ATXN2: variants seen among roughly 807,000 people sequenced by gnomAD.
ATXN2 encodes the protein ataxin-2.
In ATXN2, 37 loss-of-function variants were observed where a neutral mutation model predicts 138.6. The ratio of observed to expected loss-of-function variants is 0.27; its 90% CI spans 0.21 to 0.35. The LOEUF (loss-of-function observed/expected upper bound fraction) is 0.35, where lower values mean the gene tolerates loss of function less well. ATXN2 is among the 10% of genes least tolerant of loss of function. ATXN2 has a pLI of 1.00. For synonymous variants in ATXN2, 549 were observed against 543.7 expected, an observed-to-expected ratio of 1.01 and a Z score of -0.13; for missense variants, 1,216 against 1,480.3, an observed-to-expected ratio of 0.82 and a Z score of 2.93.
intron 14 of ATXN2, among the ~76,000 whole-genome samples, chr12:111,497,019 A>T (rs751959872): frequency 2.6e-5 from 4 of 152,178 alleles, no homozygotes; most frequent in Non-Finnish European, 5.9e-5. Flanking sequence ...TGAGAGATGA[A>T]AAAGGAGACA....
At chr12:111,591,125 G>GT (rs1884639931) in intron 1 of ATXN2, among the ~76,000 whole-genome samples, 1 of 151,912 alleles carries the variant, frequency 6.6e-6, no homozygotes, top group African/African-American at 2.4e-5. Context: ...TCCTGACCTC[G>GT]TGATCTGCCC....
intron 1 of ATXN2, among the ~76,000 whole-genome samples, chr12:111,592,353 T>C (rs931067447): frequency 3.9e-5 from 6 of 151,936 alleles, no homozygotes; most frequent in African/African-American, 1.5e-4. Context: ...ATCACGCCAC[T>C]GCACTCCAGC....
intron 14 of ATXN2, among the ~76,000 whole-genome samples, chr12:111,494,684 A>G (rs1878295446): frequency 6.6e-6 from 1 of 152,150 alleles, no homozygotes; most frequent in Admixed American, 6.6e-5. Context: ...TCGGCCTCCC[A>G]AAGTGCTGGG....
chr12:111,495,237 G>A (rs1279391940), intron 14 of ATXN2, among the ~76,000 whole-genome samples: 1 of 151,628 alleles, frequency 6.6e-6, no homozygotes, highest in African/African-American at 2.4e-5. Context: ...GAACTCAGGA[G>A]GCGGAGGTTG....
intron 1 of ATXN2, among the ~76,000 whole-genome samples, chr12:111,559,163 T>A (rs749741899): frequency 4.0e-5 from 6 of 150,482 alleles, no homozygotes; most frequent in Non-Finnish European, 3.0e-5. Context: ...AGACAGAGTC[T>A]CACTCTGTCG....
rs1203972592 is a variant in ATXN2, at chr12:111,456,333, C to G, written c.3043-77G>C. On this transcript the variant is annotated intron_variant, in intron 22 of 24. Transcript: ENST00000673436. ...GCCAAGGGATACCCACAAAGCTAAGCTTTGCACACTTGGGCCTATGATGAG... is the reference window on the plus strand; with the variant it reads ...GCCAAGGGATACCCACAAAGCTAAGGTTTGCACACTTGGGCCTATGATGAG... 11 of 1,471,706 alleles carry G rather than the reference C, an allele frequency of 7.5e-6. 1 individual carries two copies. The highest frequency in any genetic ancestry group is 9.5e-6 in the Non-Finnish European group (10 of 1,058,132). The allele number at this position is 1,471,706 out of a possible 1,614,324, so 91.2% of individuals were successfully genotyped here.
Position 111,457,333 on chromosome 12 carries a change from A to G in ATXN2, c.2923T>C (p.Tyr975His). The change falls in exon 22 of 25, where the codon TAT becomes CAT. Residue 975 changes from tyrosine (Y) to histidine (H), a missense_variant. By Grantham distance (83) the Tyr-to-His change is moderately conservative (BLOSUM62 2). Coordinates refer to ENST00000673436, the MANE Select transcript of ATXN2 (RefSeq NM_001372574.1). ...TGCAGGGTAGCGTTAGGGTGCGCAT[A>G]CTGCTGAGCAAGGGAGCCCGTGGAA... is the stretch of plus-strand genomic sequence containing the variant. ...AISTGSLAQQ[Y>H]AHPNATLHPH... 4 of 1,612,824 alleles carry G rather than the reference A, an allele frequency of 2.5e-6. No homozygotes were observed. Among genetic ancestry groups the G allele is most frequent in the Non-Finnish European group, 3.4e-6 (4 of 1,179,506 alleles).
chr12:111,479,061 T>C (rs934446933), intron 18 of ATXN2: 2 of 387,842 alleles, frequency 5.2e-6, no homozygotes, highest in Non-Finnish European at 9.1e-6. Flanking sequence ...AAATGAAATA[T>C]GCACTTACCA....
intron 14 of ATXN2, among the ~76,000 whole-genome samples, chr12:111,503,632 C>T (rs1042996323): frequency 2.0e-5 from 3 of 150,702 alleles, no homozygotes; most frequent in Non-Finnish European, 2.9e-5. Flanking sequence ...GACAGATTCT[C>T]GCTCTGTCGC....
chr12:111,552,277 C>T lies in ATXN2; in HGVS notation c.571+3G>A, dbSNP rs1201421853. 6.3e-7 allele frequency: 1 copy of T among 1,584,798 alleles called. No individual in the cohort carries two copies. The highest frequency in any genetic ancestry group is 1.2e-5 in the South Asian group (1 of 86,322). On this transcript the variant is annotated splice_donor_region_variant and intron_variant, in intron 5 of 24. Transcript: ENST00000673436. The surrounding 1 kb of genome is among the most constrained non-coding windows in gnomAD (Gnocchi z 4.1). ...GAGGCATATTTAGGAAATCAAAACC[C>T]ACCTCTTTTTGCATAACTGGAGTCC...
At chr12:111,457,530 G>T in intron 21 of ATXN2, 171 bp from the exon 22 acceptor site, 1 of 678,318 alleles carries the variant, frequency 1.5e-6, no homozygotes, top group Non-Finnish European at 2.3e-6. Context: ...AAAAATAAGT[G>T]TAGCTATTGC....
At chr12:111,468,813 GC>G (rs1285143403) in intron 20 of ATXN2, 3 of 144,014 alleles carry the variant, frequency 2.1e-5, no homozygotes, top group African/African-American at 7.8e-5. Context: ...CAATTCTGTT[GC>G]CTCAGCCTCC....
chr12:111,598,821 C>G lies in ATXN2; in HGVS notation c.214G>C (p.Ala72Pro). 1 of 1,417,822 alleles carries G rather than the reference C, an allele frequency of 7.1e-7. No homozygotes were observed. Among genetic ancestry groups the G allele is most frequent in the Admixed American group, 3.3e-5 (1 of 30,568 alleles). The allele number at this position is 1,417,822 out of a possible 1,614,324, so 87.8% of individuals were successfully genotyped here. ...GGCCTCCCGCCGCCGGAGGTCGCCG[C>G]GACCACCGAGGAGGGAGCCGTGGCC... Reference protein sequence around the residue: ...SSATAPSSVVAATSGGGRPGL... With the variant: ...SSATAPSSVVPATSGGGRPGL... The change falls in exon 1 of 25, where the codon GCG becomes CCG. Residue 72 changes from alanine to proline, a missense_variant. Ala to Pro is a conservative substitution (Grantham distance 27, BLOSUM62 -1). Transcript: ENST00000673436. This position sits in a 1 kb window ranked among gnomAD's most constrained non-coding sequence, Gnocchi z 4.5.
At chr12:111,495,946 C>T (rs989350913) in intron 14 of ATXN2, among the ~76,000 whole-genome samples, 9 of 146,886 alleles carry the variant, frequency 6.1e-5, no homozygotes, top group Non-Finnish European at 1.2e-4. Context: ...GAGTTCGAAA[C>T]AACCCTGGGA....
At chr12:111,483,894 C>A (rs1451854498) in intron 18 of ATXN2, among the ~76,000 whole-genome samples, 1 of 152,104 alleles carries the variant, frequency 6.6e-6, no homozygotes, top group African/African-American at 2.4e-5. Flanking sequence ...TTGATCCTCC[C>A]ACCTCAGTCT....
intron 1 of ATXN2, among the ~76,000 whole-genome samples, chr12:111,562,861 A>T (rs142449822): frequency 1.3e-5 from 2 of 152,234 alleles, no homozygotes; most frequent in East Asian, 3.9e-4. Context: ...GTAGAAACAG[A>T]GTATTTATAT....
chr12:111,489,490 A>G (rs1592824363), intron 14 of ATXN2, among the ~76,000 whole-genome samples: 1 of 151,982 alleles, frequency 6.6e-6, no homozygotes, highest in Admixed American at 6.6e-5. Flanking sequence ...GCAGGCGCCT[A>G]TAGTCCCTGC....
At chr12:111,468,227 C>T (rs1231673169) in intron 20 of ATXN2, 1 of 152,244 alleles carries the variant, frequency 6.6e-6, no homozygotes, top group Non-Finnish European at 1.5e-5. Context: ...CATATTCAGT[C>T]CCCGTTAAGA....
intron 1 of ATXN2, among the ~76,000 whole-genome samples, chr12:111,558,055 ATTGT>A (rs1485207267): frequency 6.6e-6 from 1 of 152,220 alleles, no homozygotes; most frequent in East Asian, 1.9e-4. Flanking sequence ...ATAAAAAGTA[ATTGT>A]TTGACCATGG....
Sources: gnomAD v4.1 joint callset for allele counts (sites outside exome capture counted in the v4.1 genomes callset) on GRCh38, gnomAD v4.1.1 for gene constraint, Gnocchi (gnomAD v3.1) non-coding constraint, MANE v1.5 for transcripts, NCBI Gene and HGNC (gene_info 2026-07-23, HGNC 2026-07-21) for gene names.